Variants in SLC38A11 observed in about 807,000 individuals in gnomAD.
SLC38A11 encodes putative sodium-coupled neutral amino acid transporter 11.
Under a neutral mutation model 49.4 loss-of-function variants are expected in SLC38A11, and 51 were observed. That is an observed-to-expected ratio of 1.03 (90% CI 0.83 to 1.30). The LOEUF is 1.30. Ranked by LOEUF, SLC38A11 falls within the 50% of genes most tolerant of loss-of-function variation. The pLI is 0.00. For missense variants in SLC38A11, 574 were observed against 556.2 expected, an observed-to-expected ratio of 1.03 and a Z score of -0.32; for synonymous variants, 203 against 192.9, an observed-to-expected ratio of 1.05 and a Z score of -0.43.
At position 164,955,190 on chromosome 2, in the gene SLC38A11, G is replaced by C; in HGVS notation, c.39+19C>G. Reference sequence around the variant, plus strand: ...TTCCGGACAACTGGCTTCAGAACCTGCCTAGTCGCTAGTTTTACCTGCGGC... The same window carrying C: ...TTCCGGACAACTGGCTTCAGAACCTCCCTAGTCGCTAGTTTTACCTGCGGC... On this transcript the variant is annotated intron_variant, in intron 1 of 11. Transcript: ENST00000685975. 6.5e-7 allele frequency: 1 copy of C among 1,550,166 alleles called. No homozygotes were observed. The highest frequency in any genetic ancestry group is 1.7e-4 in the Middle Eastern group (1 of 5,986).
At chr2:164,940,324 A>T (rs1482773565) in intron 5 of SLC38A11, among the ~76,000 whole-genome samples, 2 of 150,386 alleles carry the variant, frequency 1.3e-5, no homozygotes, top group Non-Finnish European at 3.0e-5. Context: ...CATGAAATGA[A>T]ACATACAAGG....
At chr2:164,928,714 T>C (rs1445715017) in intron 7 of SLC38A11, among the ~76,000 whole-genome samples, 2 of 152,118 alleles carry the variant, frequency 1.3e-5, no homozygotes, top group African/African-American at 2.4e-5. Context: ...AACCAGAATA[T>C]TCATGTTCTG....
intron 10 of SLC38A11, among the ~76,000 whole-genome samples, chr2:164,910,674 T>C (rs192203544): frequency 6.6e-6 from 1 of 152,238 alleles, no homozygotes; most frequent in Non-Finnish European, 1.5e-5. Context: ...GATTATTTAG[T>C]GTATTTAAAG....
At chr2:164,933,994 A>G (rs908313605) in intron 7 of SLC38A11, among the ~76,000 whole-genome samples, 1 of 152,126 alleles carries the variant, frequency 6.6e-6, no homozygotes, top group Non-Finnish European at 1.5e-5. Flanking sequence ...TTGTATCACT[A>G]CTAGAGGAAG....
At chr2:164,918,911 A>G (rs1175773679) in intron 7 of SLC38A11, among the ~76,000 whole-genome samples, 1 of 152,228 alleles carries the variant, frequency 6.6e-6, no homozygotes, top group Non-Finnish European at 1.5e-5. Context: ...GAAAGACACA[A>G]ATAAATGGAG....
At position 164,898,556 on chromosome 2, in the gene SLC38A11, T is replaced by G; in HGVS notation, c.1270A>C (p.Thr424Pro). The change falls in exon 12 of 12, where the codon ACC becomes CCC. Residue 424 changes from threonine (T) to proline (P), a missense_variant. Thr to Pro is a conservative substitution (Grantham distance 38). Transcript: ENST00000685975. ...CAGTAGAACATTTCCTGCCCATGGG[T>G]GCAGTCTTGAGTATTTGTAATAGCC... ...VMAITNTQDCTHGQEMFYCFP... is the reference protein window; with the variant it reads ...VMAITNTQDCPHGQEMFYCFP... 6.2e-7 allele frequency: 1 copy of G among 1,613,450 alleles called. No individual in the cohort carries two copies.
chr2:164,954,591 C>A, intron 2 of SLC38A11, 40 bp downstream of exon 2: 1 of 979,252 alleles, frequency 1.0e-6, no homozygotes, highest in South Asian at 2.1e-5. Context: ...TTAAATTTTG[C>A]CCTTTCACTT....
intron 7 of SLC38A11, among the ~76,000 whole-genome samples, chr2:164,935,165 T>C (rs562221296): frequency 1.3e-5 from 2 of 151,328 alleles, no homozygotes; most frequent in African/African-American, 4.9e-5. Context: ...TGTACTGTCA[T>C]TGATTTTTCT....
intron 10 of SLC38A11, among the ~76,000 whole-genome samples, chr2:164,910,457 T>A (rs972572293): frequency 3.3e-5 from 5 of 151,552 alleles, no homozygotes; most frequent in South Asian, 4.2e-4. Flanking sequence ...CTCTTAAATT[T>A]AAAAAAAAAT....
intron 9 of SLC38A11, among the ~76,000 whole-genome samples, chr2:164,912,807 A>C (rs1685493096): frequency 6.6e-6 from 1 of 152,080 alleles, no homozygotes; most frequent in African/African-American, 2.4e-5. Context: ...ACTGTCTATG[A>C]AGAAATACAG....
At chr2:164,955,046 A>AAG (rs1491155566) in intron 1 of SLC38A11, among the ~76,000 whole-genome samples, 163 bp downstream of exon 1, 2 of 14,384 alleles carry the variant, frequency 1.4e-4, no homozygotes, top group African/African-American at 2.6e-4. Flanking sequence ...CCTGCTAAGA[A>AAG]AAAAAAAAAA....
chr2:164,908,716 A>C lies in SLC38A11; in HGVS notation c.1019T>G (p.Val340Gly). ...GGCTACAGTGATGACCATCACTGTTACAACAATGTGGAAAACCGATGAAAG... is the reference window on the plus strand; with the variant it reads ...GGCTACAGTGATGACCATCACTGTTCCAACAATGTGGAAAACCGATGAAAG... ...GNLSSVFHIV[V>G]TVMVITVATL... Residue 340 changes from valine (V) to glycine (G), a missense_variant, in exon 11 of 12, where the codon GTA becomes GGA. Physicochemically the swap from Val to Gly is moderately radical, Grantham distance 109 (BLOSUM62 -3). Transcript: ENST00000685975. 1.2e-6 allele frequency: 2 copies of C among 1,611,810 alleles called. No individual in the cohort carries two copies. The highest frequency in any genetic ancestry group is 1.7e-6 in the Non-Finnish European group (2 of 1,178,686).
intron 5 of SLC38A11, among the ~76,000 whole-genome samples, chr2:164,941,198 A>C (rs1573991071): frequency 6.6e-6 from 1 of 152,136 alleles, no homozygotes. Flanking sequence ...CAGTAACGAA[A>C]GGTGAAAATT....
intron 11 of SLC38A11, among the ~76,000 whole-genome samples, chr2:164,905,722 T>C (rs1179309258): frequency 1.3e-5 from 2 of 152,140 alleles, no homozygotes; most frequent in African/African-American, 2.4e-5. Context: ...CTTGGGCTAT[T>C]AGGTCATAAC....
At chr2:164,936,910 G>T (rs542983855) in intron 7 of SLC38A11, among the ~76,000 whole-genome samples, 1 of 152,106 alleles carries the variant, frequency 6.6e-6, no homozygotes, top group African/African-American at 2.4e-5. Context: ...AAATGATGTA[G>T]TATTTTAACA....
rs77464355 is a variant in SLC38A11 at position 164,944,830 on chromosome 2, A to T, written c.365-196T>A. On this transcript the variant is annotated intron_variant, in intron 4 of 11. Transcript: ENST00000685975. ...TATGGTAGAGTATCAATTTGTATTA[A>T]AAAAAGATTTTCTCTTTACAAGTTG... Among the ~76,000 whole-genome samples, 490 of 152,254 alleles carry T rather than the reference A, an allele frequency of 3.2e-3. 3 individuals are homozygous for T. Among genetic ancestry groups the T allele is most frequent in the East Asian group, 0.031 (158 of 5,172 alleles).
chr2:164,939,557 C>A lies in SLC38A11; in HGVS notation c.431-1G>T. The A allele has an allele frequency of 6.3e-7, 1 of 1,587,258 alleles. No individual in the cohort carries two copies. The highest frequency in any genetic ancestry group is 8.6e-7 in the Non-Finnish European group (1 of 1,158,202). On this transcript the variant is annotated splice_acceptor_variant, in intron 5 of 11. Coordinates refer to ENST00000685975, the MANE Select transcript of SLC38A11 (RefSeq NM_001351537.2). LOFTEE classifies it high-confidence loss of function. ...CCAATAAACACGTTTTCAGGATCAACTAAAACACAATAAATATTATTAAAT... is the reference window on the plus strand; with the variant it reads ...CCAATAAACACGTTTTCAGGATCAAATAAAACACAATAAATATTATTAAAT...
intron 11 of SLC38A11, among the ~76,000 whole-genome samples, chr2:164,903,530 A>T (rs1376384236): frequency 6.6e-6 from 1 of 152,202 alleles, no homozygotes; most frequent in African/African-American, 2.4e-5. Context: ...TTAAAAGCTC[A>T]GTCTTACTAA....
intron 3 of SLC38A11, among the ~76,000 whole-genome samples, chr2:164,951,555 C>A (rs1221447733): frequency 2.0e-5 from 3 of 152,150 alleles, no homozygotes; most frequent in Admixed American, 1.3e-4. Flanking sequence ...GAGCTCAATG[C>A]CTCTCTAGCT....
Sources: gnomAD v4.1 joint callset for allele counts (sites outside exome capture counted in the v4.1 genomes callset) on GRCh38, gnomAD v4.1.1 for gene constraint, MANE v1.5 for transcripts, NCBI Gene and HGNC (gene_info 2026-07-23, HGNC 2026-07-21) for gene names.